Variants in PCDHGB6 observed in about 807,000 individuals in gnomAD.
PCDHGB6 encodes protocadherin gamma-B6.
A neutral mutation model predicts 59.1 loss-of-function variants in PCDHGB6; 51 were observed. The ratio of observed to expected loss-of-function variants is 0.86; its 90% CI spans 0.69 to 1.09. PCDHGB6 has a LOEUF of 1.09. Among genes scored for constraint, PCDHGB6 ranks in the 50% least tolerant of loss-of-function variants. The probability of loss-of-function intolerance (pLI) is 0.00; values close to 1 mark genes in which losing one functional copy is unlikely to be tolerated. For missense variants in PCDHGB6, 1,148 were observed against 1,205.1 expected, an observed-to-expected ratio of 0.95 and a Z score of 0.70; for synonymous variants, 466 against 495.1, an observed-to-expected ratio of 0.94 and a Z score of 0.78.
chr5:141,428,454 C>A, intron 1 of PCDHGB6: 1 of 365,394 alleles, frequency 2.7e-6, no homozygotes, highest in Non-Finnish European at 5.2e-6. Context: ...TTTTTCCCAA[C>A]TACAATGAGG....
chr5:141,478,839 T>G, intron 1 of PCDHGB6: 6 of 1,423,322 alleles, frequency 4.2e-6, no homozygotes, highest in Non-Finnish European at 5.5e-6. Flanking sequence ...AAGGGATGGT[T>G]AAGCTAAAAC....
In PCDHGB6 at chr5:141,487,562, G is replaced by A. The variant is rs140619162; in HGVS notation, c.2419-7245G>A. The A allele has an allele frequency of 7.7e-5, 125 of 1,614,060 alleles. 1 individual carries two copies. The highest frequency in any genetic ancestry group is 5.7e-4 in the Admixed American group (34 of 60,006). On this transcript the variant is annotated intron_variant, in intron 1 of 3. Transcript: ENST00000520790. The surrounding 1 kb of genome is among the most constrained non-coding windows in gnomAD (Gnocchi z 5.0). ...GAAGTCACCCAGTGCACCTATGGCA[G>A]GGGAGCCTGTTCGCCCAAGCTGCCC...
rs962136728 is a variant in PCDHGB6 at position 141,491,524 on chromosome 5, G to A, written c.2419-3283G>A. 1 of 1,613,960 alleles carries A rather than the reference G, an allele frequency of 6.2e-7. No homozygotes were observed. The highest frequency in any genetic ancestry group is 1.3e-5 in the African/African-American group (1 of 74,936). On this transcript the variant is annotated intron_variant, in intron 1 of 3. Coordinates refer to ENST00000520790, the MANE Select transcript of PCDHGB6 (RefSeq NM_018926.3). The surrounding 1 kb of genome is among the most constrained non-coding windows in gnomAD (Gnocchi z 6.9). ...GGACGGCACGCTCAAGTACATGGAG[G>A]TGACGCTGCGGCCCACAGACTCGCA...
At chr5:141,463,808 T>C (rs1018369312) in intron 1 of PCDHGB6, among the ~76,000 whole-genome samples, 2 of 152,196 alleles carry the variant, frequency 1.3e-5, no homozygotes, top group African/African-American at 4.8e-5. Flanking sequence ...CTAAAAGCTT[T>C]TATCACACAT....
intron 1 of PCDHGB6, chr5:141,415,230 A>G (rs1222982593): frequency 6.2e-7 from 1 of 1,614,050 alleles, no homozygotes; most frequent in Non-Finnish European, 8.5e-7. Context: ...TCGAGTCTCC[A>G]GCTAACTCTG....
chr5:141,498,971 G>GGGAA (rs201769957), intron 2 of PCDHGB6, among the ~76,000 whole-genome samples: 8,226 of 110,874 alleles, frequency 0.074, 335 homozygotes, highest in Middle Eastern at 0.11. Flanking sequence ...GAGGGAGGGA[G>GGGAA]GGAAGGAAGG....
chr5:141,420,089 A>G lies in PCDHGB6; in HGVS notation c.2418+9469A>G. On this transcript the variant is annotated intron_variant, in intron 1 of 3. Transcript: ENST00000520790. The stretch of plus-strand genomic sequence containing the variant: ...CGGACCTGTGGGTCCCCCCAACTAC[A>G]GTGAGGGAACGTTGCCCTATGCCTA... 2.5e-6 allele frequency: 4 copies of G among 1,613,986 alleles called. No individual in the cohort carries two copies. Among genetic ancestry groups the G allele is most frequent in the Middle Eastern group, 1.6e-4 (1 of 6,062 alleles).
At position 141,486,811 on chromosome 5, in the gene PCDHGB6, C is replaced by A. The variant is rs2099635196; in HGVS notation, c.2419-7996C>A. On this transcript the variant is annotated intron_variant, in intron 1 of 3. Coordinates refer to ENST00000520790, the MANE Select transcript of PCDHGB6 (RefSeq NM_018926.3). The surrounding 1 kb of genome is among the most constrained non-coding windows in gnomAD (Gnocchi z 5.0). ...GGGATCGGGGCAACCCACCCCTTAG[C>A]AGCACTGTAACAGTTCGTCTATTTG... The A allele has an allele frequency of 1.2e-6, 2 of 1,614,124 alleles. No homozygotes were observed. The highest frequency in any genetic ancestry group is 2.2e-5 in the East Asian group (1 of 44,900).
At chr5:141,416,657 A>C (rs1194195210) in intron 1 of PCDHGB6, 6 of 152,232 alleles carry the variant, frequency 3.9e-5, no homozygotes, top group Non-Finnish European at 7.3e-5. Context: ...TGTAAAAAAG[A>C]AAAGAATATA....
chr5:141,469,697 T>G (rs2154570403), intron 1 of PCDHGB6, among the ~76,000 whole-genome samples: 1 of 152,392 alleles, frequency 6.6e-6, no homozygotes, highest in African/African-American at 2.4e-5. Context: ...TCCTATGACC[T>G]AGTAATCACA....
chr5:141,426,614 G>T (rs1468159807), intron 1 of PCDHGB6: 25 of 385,508 alleles, frequency 6.5e-5, no homozygotes, highest in Non-Finnish European at 1.3e-4. Context: ...TTGTAGCAGA[G>T]AATCCTCTAA....
chr5:141,491,616 C>T lies in PCDHGB6; in HGVS notation c.2419-3191C>T. 1 of 1,613,944 alleles carries T rather than the reference C, an allele frequency of 6.2e-7. No homozygotes were observed. Among genetic ancestry groups the T allele is most frequent in the South Asian group, 1.1e-5 (1 of 91,082 alleles). On this transcript the variant is annotated intron_variant, in intron 1 of 3. Coordinates refer to ENST00000520790, the MANE Select transcript of PCDHGB6 (RefSeq NM_018926.3). The surrounding 1 kb of genome is among the most constrained non-coding windows in gnomAD (Gnocchi z 6.9). ...GCAGTGACTTCACTTTTCTAAGACC[C>T]CTCAGCGTTCAGCAGCCCACAGCTC...
In PCDHGB6 at chr5:141,419,962, GCT is replaced by G. The variant is rs1374844110; in HGVS notation, c.2418+9345_2418+9346del. ...TGGTGGCCTTGGCCTTGATTTCTGTGCTCTTTCTCCTCGCGGTGATTCTAGCT... is the reference window on the plus strand; with the variant it reads ...TGGTGGCCTTGGCCTTGATTTCTGTGCTTTCTCCTCGCGGTGATTCTAGCT... On this transcript the variant is annotated intron_variant, in intron 1 of 3. Coordinates refer to ENST00000520790, the MANE Select transcript of PCDHGB6 (RefSeq NM_018926.3). The G allele has an allele frequency of 3.1e-6, 5 of 1,613,974 alleles. No homozygotes were observed. In the African/African-American group the frequency reaches 4.0e-5, roughly 13 times the overall value.
chr5:141,512,656 C>G lies in PCDHGB6; in HGVS notation c.*1483C>G, dbSNP rs1262748947. ...CCCTTACAGTAGTGTAGCGCCCCCT[C>G]CCTCTTTCGGCTGGTGTAGAATAGC... On this transcript the variant is annotated 3_prime_UTR_variant, in exon 4 of 4. Coordinates refer to ENST00000520790, the MANE Select transcript of PCDHGB6 (RefSeq NM_018926.3). 1 of 152,508 alleles carries G rather than the reference C, an allele frequency of 6.6e-6. No homozygotes were observed. The highest frequency in any genetic ancestry group is 1.5e-5 in the Non-Finnish European group (1 of 68,228). The allele number at this position is 152,508 out of a possible 1,614,324, so 9.4% of individuals were successfully genotyped here.
In PCDHGB6 at chr5:141,491,534, G is replaced by A. The variant is rs376996144; in HGVS notation, c.2419-3273G>A. On this transcript the variant is annotated intron_variant, in intron 1 of 3. Coordinates refer to ENST00000520790, the MANE Select transcript of PCDHGB6 (RefSeq NM_018926.3). This position sits in a 1 kb window ranked among gnomAD's most constrained non-coding sequence, Gnocchi z 6.9. The stretch of plus-strand genomic sequence containing the variant: ...CTCAAGTACATGGAGGTGACGCTGC[G>A]GCCCACAGACTCGCAGAGCCACTGC... The A allele has an allele frequency of 6.2e-7, 1 of 1,614,030 alleles. No homozygotes were observed. The highest frequency in any genetic ancestry group is 8.5e-7 in the Non-Finnish European group (1 of 1,180,028).
intron 3 of PCDHGB6, among the ~76,000 whole-genome samples, chr5:141,506,943 T>A (rs2099857373): frequency 6.6e-6 from 1 of 152,192 alleles, no homozygotes; most frequent in South Asian, 2.1e-4. Context: ...GGGCCTCCTG[T>A]CAATGAATCC....
chr5:141,479,939 A>G (rs763454741), intron 1 of PCDHGB6, among the ~76,000 whole-genome samples: 2 of 152,004 alleles, frequency 1.3e-5, no homozygotes, highest in Non-Finnish European at 2.9e-5. Flanking sequence ...ATTGCTATCA[A>G]CTCTTGGATT....
At chr5:141,437,011 T>C (rs2097858173) in intron 1 of PCDHGB6, among the ~76,000 whole-genome samples, 1 of 152,236 alleles carries the variant, frequency 6.6e-6, no homozygotes, top group Non-Finnish European at 1.5e-5. Flanking sequence ...GGATCTTAGA[T>C]AATTTCACCA....
chr5:141,461,438 T>C (rs1034260263), intron 1 of PCDHGB6, among the ~76,000 whole-genome samples: 3 of 152,200 alleles, frequency 2.0e-5, no homozygotes, highest in African/African-American at 7.2e-5. Flanking sequence ...GTATACCTTC[T>C]TTTGAGAAAT....
Sources: allele counts gnomAD v4.1 joint callset (sites outside exome capture counted in the v4.1 genomes callset), GRCh38; gene constraint gnomAD v4.1.1; non-coding constraint Gnocchi (gnomAD v3.1); transcripts MANE v1.5; gene names NCBI Gene and HGNC (gene_info 2026-07-23, HGNC 2026-07-21).